The following ZNF516 variants were observed in gnomAD, a reference collection of about 807,000 sequenced individuals.
ZNF516 encodes the protein zinc finger protein 516.
In ZNF516, 19 loss-of-function variants were observed where a neutral mutation model predicts 79.7. That is an observed-to-expected ratio of 0.24 (90% CI 0.17 to 0.35). The LOEUF is 0.35. ZNF516 is among the 10% of genes least tolerant of loss of function. The pLI is 1.00. For synonymous variants in ZNF516, 877 were observed against 739.5 expected, an observed-to-expected ratio of 1.19 and a Z score of -3.02; for missense variants, 1,678 against 1,679.5, an observed-to-expected ratio of 1.00 and a Z score of 0.02.
At chr18:76,383,831 C>T (rs1056522752) in intron 3 of ZNF516, among the ~76,000 whole-genome samples, 3 of 152,244 alleles carry the variant, frequency 2.0e-5, no homozygotes, top group Admixed American at 6.5e-5. Flanking sequence ...ACAGAACAGA[C>T]GGCTTCGCCC....
At chr18:76,434,117 C>A (rs77465874) in intron 3 of ZNF516, among the ~76,000 whole-genome samples, 2 of 152,192 alleles carry the variant, frequency 1.3e-5, no homozygotes, top group African/African-American at 4.8e-5. Context: ...TTACCAGGAG[C>A]GATCCTGCCT....
chr18:76,377,551 C>T (rs2074807696), intron 4 of ZNF516, among the ~76,000 whole-genome samples: 1 of 152,242 alleles, frequency 6.6e-6, no homozygotes, highest in African/African-American at 2.4e-5. Flanking sequence ...CCCCAGCACC[C>T]ACTGGGACAC....
intron 3 of ZNF516, among the ~76,000 whole-genome samples, chr18:76,400,046 A>C (rs1378764452): frequency 1.3e-5 from 2 of 152,200 alleles, no homozygotes; most frequent in Non-Finnish European, 2.9e-5. Flanking sequence ...GCCCAAGGGC[A>C]GCAGCCCTTC....
intron 6 of ZNF516, among the ~76,000 whole-genome samples, chr18:76,369,914 G>T (rs1288791204): frequency 6.6e-6 from 1 of 152,210 alleles, no homozygotes; most frequent in Non-Finnish European, 1.5e-5. Flanking sequence ...GGCTGTGGGT[G>T]CCTCTCTACT....
At chr18:76,383,847 C>T (rs2074935008) in intron 3 of ZNF516, among the ~76,000 whole-genome samples, 1 of 152,236 alleles carries the variant, frequency 6.6e-6, no homozygotes, top group Non-Finnish European at 1.5e-5. Flanking sequence ...CGCCCCTCGT[C>T]CCCGGCTCCT....
intron 1 of ZNF516, among the ~76,000 whole-genome samples, chr18:76,474,628 AAATAT>A (rs1440489863): frequency 6.6e-6 from 1 of 152,232 alleles, no homozygotes; most frequent in Non-Finnish European, 1.5e-5. Flanking sequence ...CCAGTAACAA[AAATAT>A]AATAAAACCC....
chr18:76,397,125 C>T (rs555404483), intron 3 of ZNF516, among the ~76,000 whole-genome samples: 13 of 152,172 alleles, frequency 8.5e-5, no homozygotes, highest in Non-Finnish European at 1.3e-4. Flanking sequence ...ATCAGGAAGC[C>T]ACAAGCCCCT....
At chr18:76,489,768 T>C (rs958486630) in intron 1 of ZNF516, among the ~76,000 whole-genome samples, 6 of 152,200 alleles carry the variant, frequency 3.9e-5, no homozygotes, top group Non-Finnish European at 7.3e-5. Context: ...GTTAAAGTTC[T>C]TGATCTAGTG....
intron 2 of ZNF516, among the ~76,000 whole-genome samples, chr18:76,453,530 G>A (rs1599115489): frequency 6.6e-6 from 1 of 152,050 alleles, no homozygotes; most frequent in Admixed American, 6.6e-5. Context: ...AAAACCTAGG[G>A]AACACCAGAG....
intron 1 of ZNF516, among the ~76,000 whole-genome samples, chr18:76,484,506 G>A (rs1014992527): frequency 9.9e-5 from 15 of 152,046 alleles, no homozygotes; most frequent in Admixed American, 3.3e-4. Context: ...CCCTAACCCC[G>A]CTCGGGCCAA....
At chr18:76,495,785 A>C, upstream of ZNF516, 1 of 1,120,492 alleles carries the variant, frequency 8.9e-7, no homozygotes, top group Non-Finnish European at 1.1e-6. Flanking sequence ...CGGGGGTCCC[A>C]GGTGCGTGTG....
intron 2 of ZNF516, among the ~76,000 whole-genome samples, chr18:76,460,485 G>C: frequency 6.6e-6 from 1 of 152,204 alleles, no homozygotes; most frequent in East Asian, 1.9e-4. Context: ...CTACAAAAGC[G>C]ACCACTGTGG....
intron 4 of ZNF516, among the ~76,000 whole-genome samples, chr18:76,376,948 C>A (rs573860143): frequency 6.6e-6 from 1 of 152,332 alleles, no homozygotes; most frequent in African/African-American, 2.4e-5. Context: ...ACCACTCAGC[C>A]TTCTCTGCTT....
intron 2 of ZNF516, among the ~76,000 whole-genome samples, chr18:76,446,297 G>T (rs1183285334): frequency 6.6e-6 from 1 of 152,118 alleles, no homozygotes; most frequent in Non-Finnish European, 1.5e-5. Flanking sequence ...TGGCACTTAG[G>T]CCCCTCTTCT....
rs1437204343 is a variant in ZNF516 at position 76,361,876 on chromosome 18, A to C, written c.*622T>G. The C allele has an allele frequency of 6.6e-6, 1 of 152,212 alleles. No homozygotes were observed. Among genetic ancestry groups the C allele is most frequent in the Non-Finnish European group, 1.5e-5 (1 of 68,064 alleles). The allele number at this position is 152,212 out of a possible 1,614,324, so 9.4% of individuals were successfully genotyped here. On this transcript the variant is annotated 3_prime_UTR_variant, in exon 7 of 7. Transcript: ENST00000443185. ...GAGGAGTGCGATGGAGCCAGTGAAC[A>C]ATGAGGGTCTCATCATCATACCCCT...
intron 1 of ZNF516, among the ~76,000 whole-genome samples, chr18:76,491,486 G>T (rs988351384): frequency 2.9e-5 from 4 of 136,120 alleles, no homozygotes; most frequent in African/African-American, 1.0e-4. Flanking sequence ...CTGTGGGTCC[G>T]TCTCTTTCAC....
chr18:76,460,925 G>A (rs890401822), intron 2 of ZNF516, among the ~76,000 whole-genome samples: 1 of 152,172 alleles, frequency 6.6e-6, no homozygotes, highest in South Asian at 2.1e-4. Flanking sequence ...GCTCACGCCT[G>A]TAATCCCAGG....
intron 2 of ZNF516, among the ~76,000 whole-genome samples, chr18:76,456,234 T>C (rs573082037): frequency 1.3e-5 from 2 of 152,358 alleles, no homozygotes; most frequent in South Asian, 4.1e-4. Flanking sequence ...AGAACCTTTT[T>C]CTGCCTTGCT....
At chr18:76,382,353 T>C (rs968479857) in intron 3 of ZNF516, among the ~76,000 whole-genome samples, 1 of 152,156 alleles carries the variant, frequency 6.6e-6, no homozygotes, top group Non-Finnish European at 1.5e-5. Context: ...GACTCATTTC[T>C]AAATATTCGA....
Sources: allele counts gnomAD v4.1 joint callset (sites outside exome capture counted in the v4.1 genomes callset), GRCh38; gene constraint gnomAD v4.1.1; transcripts MANE v1.5; gene names NCBI Gene and HGNC (gene_info 2026-07-23, HGNC 2026-07-21).